Variants in CAMK4 observed in about 807,000 individuals in gnomAD.
The protein encoded by CAMK4 is calcium/calmodulin-dependent protein kinase type IV.
In CAMK4, 22 loss-of-function variants were observed where a neutral mutation model predicts 44.9. The observed-to-expected ratio is 0.49, with a 90% CI of 0.35 to 0.70. The LOEUF is 0.70. CAMK4 is among the 30% of genes least tolerant of loss of function. The pLI is 0.01. For missense variants in CAMK4, 498 were observed against 586.8 expected, an observed-to-expected ratio of 0.85 and a Z score of 1.56; for synonymous variants, 218 against 215.4, an observed-to-expected ratio of 1.01 and a Z score of -0.11.
At chr5:111,322,029 C>T (rs1024532988) in intron 1 of CAMK4, among the ~76,000 whole-genome samples, 1 of 151,944 alleles carries the variant, frequency 6.6e-6, no homozygotes, top group Non-Finnish European at 1.5e-5. Flanking sequence ...TTGTGAGAAT[C>T]AAAGGTACTA....
intron 9 of CAMK4, among the ~76,000 whole-genome samples, chr5:111,479,203 ACTG>A (rs1457421802): frequency 6.6e-6 from 1 of 152,194 alleles, no homozygotes; most frequent in African/African-American, 2.4e-5. Flanking sequence ...GTAAAACAAT[ACTG>A]CTTCCTGAAA....
chr5:111,363,142 G>A (rs1750659871), intron 2 of CAMK4, among the ~76,000 whole-genome samples: 1 of 152,034 alleles, frequency 6.6e-6, no homozygotes, highest in African/African-American at 2.4e-5. Flanking sequence ...AACTTCACCT[G>A]TGCATTAATA....
At chr5:111,354,957 T>C (rs1473329034) in intron 2 of CAMK4, among the ~76,000 whole-genome samples, 2 of 152,272 alleles carry the variant, frequency 1.3e-5, no homozygotes, top group Middle Eastern at 3.4e-3. Flanking sequence ...TGCTATGATG[T>C]ACATAAGAGG....
Position 111,488,487 on chromosome 5 carries a change from A to T in CAMK4, c.*4021A>T, listed in dbSNP as rs1303351494. 6.6e-6 allele frequency: 1 copy of T among 152,226 alleles called. No individual in the cohort carries two copies. Among genetic ancestry groups the T allele is most frequent in the Non-Finnish European group, 1.5e-5 (1 of 68,030 alleles). 9.4% of individuals were successfully genotyped at this position (152,226 alleles called of 1,614,324 possible). A position where few individuals can be genotyped will look rare whatever the true frequency, so the allele number is the denominator to read the frequency against. On this transcript the variant is annotated 3_prime_UTR_variant, in exon 11 of 11. Transcript: ENST00000282356. ...TGTGACTTCAATTTCATAGTATTTT[A>T]AACATATTTTGTAATTCAGAATGTT...
rs562304909 is a variant in CAMK4, at chr5:111,376,241, C to G, written c.304-619C>G. Among the ~76,000 whole-genome samples, 4 of 151,896 alleles carry G rather than the reference C, an allele frequency of 2.6e-5. No individual in the cohort carries two copies. In the East Asian group the frequency reaches 7.7e-4, roughly 29 times the overall value. On this transcript the variant is annotated intron_variant, in intron 3 of 10. Transcript: ENST00000282356. ...CTCAAGTGTAGACTAGTCCTGGCTACTAGATTCTCGTATATATGGAGAAAA... is the reference window on the plus strand; with the variant it reads ...CTCAAGTGTAGACTAGTCCTGGCTAGTAGATTCTCGTATATATGGAGAAAA...
intron 4 of CAMK4, among the ~76,000 whole-genome samples, chr5:111,380,653 T>C (rs1041896158): frequency 5.3e-5 from 8 of 152,216 alleles, no homozygotes; most frequent in African/African-American, 1.7e-4. Flanking sequence ...CTAAGGATAA[T>C]GGCCTCCATT....
At chr5:111,277,137 G>T (rs899186077) in intron 1 of CAMK4, among the ~76,000 whole-genome samples, 1 of 152,168 alleles carries the variant, frequency 6.6e-6, no homozygotes, top group Non-Finnish European at 1.5e-5. Flanking sequence ...TTAACACATG[G>T]ATGATAAATT....
chr5:111,311,705 C>T (rs1748211442), intron 1 of CAMK4, among the ~76,000 whole-genome samples: 1 of 152,160 alleles, frequency 6.6e-6, no homozygotes, highest in Admixed American at 6.6e-5. Flanking sequence ...TTCTAAAAGA[C>T]ATTTTTTCCT....
chr5:111,460,726 C>G (rs1250746628), intron 7 of CAMK4, among the ~76,000 whole-genome samples: 1 of 152,176 alleles, frequency 6.6e-6, no homozygotes, highest in Non-Finnish European at 1.5e-5. Flanking sequence ...TCCATCACAA[C>G]TCTGAAGTGA....
intron 5 of CAMK4, among the ~76,000 whole-genome samples, chr5:111,445,691 T>C (rs1025531156): frequency 9.2e-5 from 14 of 152,200 alleles, no homozygotes; most frequent in African/African-American, 3.1e-4. Context: ...GCCCACCGAA[T>C]TGCTGGTATT....
chr5:111,444,330 A>G (rs911357508), intron 5 of CAMK4, among the ~76,000 whole-genome samples: 1 of 152,204 alleles, frequency 6.6e-6, no homozygotes, highest in African/African-American at 2.4e-5. Flanking sequence ...AAATGAGTCA[A>G]CAGGTATAAG....
intron 5 of CAMK4, among the ~76,000 whole-genome samples, chr5:111,409,095 C>T (rs181363867): frequency 6.6e-6 from 1 of 152,254 alleles, no homozygotes; most frequent in Admixed American, 6.5e-5. Flanking sequence ...GGATGGTGGC[C>T]CCTGCTCACA....
intron 4 of CAMK4, among the ~76,000 whole-genome samples, chr5:111,389,729 T>A (rs1346133469): frequency 2.0e-5 from 3 of 152,218 alleles, no homozygotes; most frequent in Non-Finnish European, 4.4e-5. Context: ...CTTCTGGAGA[T>A]AATATAAGGT....
At chr5:111,414,873 A>G (rs561532064) in intron 5 of CAMK4, among the ~76,000 whole-genome samples, 2 of 152,316 alleles carry the variant, frequency 1.3e-5, no homozygotes, top group East Asian at 1.9e-4. Flanking sequence ...AATAGAAGAC[A>G]TATGTACCAT....
intron 1 of CAMK4, among the ~76,000 whole-genome samples, chr5:111,332,326 G>T (rs405331): frequency 6.8e-6 from 1 of 147,364 alleles, no homozygotes. Flanking sequence ...GAGAACATGC[G>T]GTGTTTGGTT....
chr5:111,250,884 C>T (rs1241892138), intron 1 of CAMK4, among the ~76,000 whole-genome samples: 1 of 152,082 alleles, frequency 6.6e-6, no homozygotes, highest in Non-Finnish European at 1.5e-5. Context: ...CTCAAGCCAC[C>T]CTCTTATCTC....
chr5:111,270,257 T>A (rs1750449158), intron 1 of CAMK4, among the ~76,000 whole-genome samples: 1 of 152,214 alleles, frequency 6.6e-6, no homozygotes, highest in African/African-American at 2.4e-5. Context: ...TTCTAAAAGG[T>A]TACGTAAAAC....
In CAMK4 at chr5:111,224,661, G is replaced by C. The variant is rs1361661609; in HGVS notation, c.161+17G>C. On this transcript the variant is annotated intron_variant, in intron 1 of 10. Coordinates refer to ENST00000282356, the MANE Select transcript of CAMK4 (RefSeq NM_001744.6). The surrounding 1 kb of genome is among the most constrained non-coding windows in gnomAD (Gnocchi z 5.7). ...GCTGGGACGGTAAGGCGCGGGCTCC[G>C]GCTGGGGAAGCCCGCGGCGTGCACT... 4 of 1,594,528 alleles carry C rather than the reference G, an allele frequency of 2.5e-6. 1 individual carries two copies. In the African/African-American group the frequency reaches 4.1e-5, roughly 16 times the overall value.
intron 1 of CAMK4, among the ~76,000 whole-genome samples, chr5:111,331,200 T>C (rs971254320): frequency 1.1e-4 from 16 of 151,580 alleles, no homozygotes; most frequent in Non-Finnish European, 1.9e-4. Flanking sequence ...AATACACATA[T>C]ATAACAAATA....
Sources: gnomAD v4.1 joint callset for allele counts (sites outside exome capture counted in the v4.1 genomes callset) on GRCh38, gnomAD v4.1.1 for gene constraint, Gnocchi (gnomAD v3.1) non-coding constraint, MANE v1.5 for transcripts, NCBI Gene and HGNC (gene_info 2026-07-23, HGNC 2026-07-21) for gene names.